ACSF3: variants seen among roughly 807,000 people sequenced by gnomAD.
ACSF3 encodes acyl-CoA synthetase family member 3.
ACSF3 carries 78 observed loss-of-function variants against 53.2 expected under a neutral mutation model. The ratio of observed to expected loss-of-function variants is 1.47; its 90% CI spans 1.22 to 1.77. The LOEUF (loss-of-function observed/expected upper bound fraction) is 1.77. ACSF3 is among the 40% of genes most tolerant of loss of function. The pLI is 0.00. For missense variants in ACSF3, 937 were observed against 771.1 expected (o/e 1.22, Z -2.55); for synonymous variants, 414 against 333.1 (o/e 1.24, Z -2.65).
intron 8 of ACSF3, among the ~76,000 whole-genome samples, chr16:89,137,343 T>C (rs12445309): frequency 7.9e-3 from 837 of 105,780 alleles, no homozygotes; most frequent in African/African-American, 0.016. Context: ...GCCCCGGGTC[T>C]CGGGAGGACC....
chr16:89,142,772 GAGACACCCACACCTGCAGAC>G (rs1912096001), intron 8 of ACSF3, among the ~76,000 whole-genome samples: 1 of 150,804 alleles, frequency 6.6e-6, no homozygotes. Flanking sequence ...CACACCTACA[GAGACACCCACACCTGCAGAC>G]ACACCCACAC....
At chr16:89,136,726 T>G in intron 8 of ACSF3, 7 of 1,287,270 alleles carry the variant, frequency 5.4e-6, no homozygotes, top group Non-Finnish European at 7.1e-6. Flanking sequence ...CTCCCCCACC[T>G]GCCTCTGTGC....
chr16:89,119,875 A>C (rs1682309965), intron 6 of ACSF3, among the ~76,000 whole-genome samples: 1 of 152,180 alleles, frequency 6.6e-6, no homozygotes, highest in African/African-American at 2.4e-5. Flanking sequence ...CTGACCCTCG[A>C]TGCTGACCCT....
At chr16:89,096,576 GT>G (rs577800044) in intron 1 of ACSF3, among the ~76,000 whole-genome samples, 1 of 152,200 alleles carries the variant, frequency 6.6e-6, no homozygotes, top group South Asian at 2.1e-4. Flanking sequence ...GGCTGGTTCC[GT>G]TTTCCACATG....
intron 7 of ACSF3, among the ~76,000 whole-genome samples, chr16:89,123,520 C>T (rs962037878): frequency 3.3e-5 from 5 of 152,166 alleles, no homozygotes; most frequent in East Asian, 1.9e-4. Context: ...CTGGGCTGTC[C>T]GATCCACTCT....
chr16:89,102,723 C>T lies in ACSF3; in HGVS notation c.786C>T (p.Ala262=). ...NALLCPLWVG[A]TCVMMPEFSP... ...TGCTCTGTCCTCTCTGGGTGGGAGC[C>T]ACCTGTGTGATGATGCCTGAGTTCA... is the stretch of plus-strand genomic sequence containing the variant. Residue 262 remains alanine, a synonymous_variant, in exon 4 of 11, where the codon GCC becomes GCT. Transcript: ENST00000614302. 6.2e-7 allele frequency: 1 copy of T among 1,613,166 alleles called. No homozygotes were observed. Among genetic ancestry groups the T allele is most frequent in the Non-Finnish European group, 8.5e-7 (1 of 1,180,006 alleles).
chr16:89,116,425 G>C (rs559575488), intron 6 of ACSF3, among the ~76,000 whole-genome samples: 1 of 152,334 alleles, frequency 6.6e-6, no homozygotes, highest in Admixed American at 6.5e-5. Flanking sequence ...CCTGCAAGGT[G>C]AGTGTGAGGG....
chr16:89,154,198 C>T lies in ACSF3; in HGVS notation c.1722C>T (p.His574=), dbSNP rs757130082. 4.3e-6 allele frequency: 7 copies of T among 1,613,256 alleles called. No individual in the cohort carries two copies. Among genetic ancestry groups the T allele is most frequent in the African/African-American group, 1.3e-5 (1 of 74,904 alleles). The change falls in exon 11 of 11, where the codon CAC becomes CAT. Residue 574 remains histidine (H), a synonymous_variant. Coordinates refer to ENST00000614302, the MANE Select transcript of ACSF3 (RefSeq NM_001243279.3). The stretch of plus-strand genomic sequence containing the variant: ...AGAAGGCGCTCATCAGGCACTTCCA[C>T]CCCTCATGACCCGGCAGACTGGGAC... ...IDKKALIRHF[H]PS
At chr16:89,103,127 C>T (rs1975565767) in intron 4 of ACSF3, among the ~76,000 whole-genome samples, 1 of 152,190 alleles carries the variant, frequency 6.6e-6, no homozygotes, top group Non-Finnish European at 1.5e-5. Flanking sequence ...TTCAAAATAC[C>T]TTCCGGTACT....
At chr16:89,150,613 A>G in intron 10 of ACSF3, 2 of 234,802 alleles carry the variant, frequency 8.5e-6, no homozygotes, top group Non-Finnish European at 1.7e-5. Flanking sequence ...CTGTGACAAG[A>G]CCCTAAGACG....
At chr16:89,145,884 C>T in intron 9 of ACSF3, 54 bp from the exon 10 acceptor site, 1 of 1,482,664 alleles carries the variant, frequency 6.7e-7, no homozygotes, top group East Asian at 2.3e-5. Flanking sequence ...ACTCTTCGGC[C>T]TGTAAGGGTC....
chr16:89,098,551 A>C (rs1157970747), intron 1 of ACSF3, 40 bp from the exon 2 acceptor site: 11 of 429,454 alleles, frequency 2.6e-5, no homozygotes, highest in Non-Finnish European at 5.2e-5. Context: ...GAAGCGTTAT[A>C]CACACAGCCT....
At chr16:89,130,723 C>T (rs1484398279) in intron 7 of ACSF3, among the ~76,000 whole-genome samples, 2 of 152,144 alleles carry the variant, frequency 1.3e-5, no homozygotes, top group Admixed American at 1.3e-4. Context: ...TTGGTTTGTC[C>T]TGTTTGGGAT....
intron 8 of ACSF3, among the ~76,000 whole-genome samples, chr16:89,139,707 T>A (rs558252891): frequency 1.3e-5 from 2 of 151,066 alleles, no homozygotes; most frequent in African/African-American, 4.9e-5. Flanking sequence ...ATTCTCCTGC[T>A]TCAGCCTCCC....
At chr16:89,143,481 G>T (rs1912281818) in intron 8 of ACSF3, among the ~76,000 whole-genome samples, 1 of 152,072 alleles carries the variant, frequency 6.6e-6, no homozygotes. Flanking sequence ...GGTGTCAGCA[G>T]CTGTGGCATC....
intron 10 of ACSF3, chr16:89,149,095 C>G (rs995907668): frequency 6.6e-6 from 1 of 152,204 alleles, no homozygotes; most frequent in Non-Finnish European, 1.5e-5. Context: ...TTAACAAAAG[C>G]AATCTTTGCT....
At chr16:89,106,521 G>A (rs531343683) in intron 4 of ACSF3, among the ~76,000 whole-genome samples, 4 of 152,122 alleles carry the variant, frequency 2.6e-5, no homozygotes, top group South Asian at 4.1e-4. Flanking sequence ...CTAGAACTCC[G>A]GACCTCATGA....
rs146626127 is a variant in ACSF3 at position 89,097,070 on chromosome 16, C to T, written c.-193-1521C>T. Among the ~76,000 whole-genome samples the T allele has an allele frequency of 9.0e-3, 1,371 of 152,368 alleles. 21 individuals are homozygous for T. Among genetic ancestry groups the T allele is most frequent in the South Asian group, 0.06 (290 of 4,830 alleles). On this transcript the variant is annotated intron_variant, in intron 1 of 10. Transcript: ENST00000614302. ...TGTGGGGAATCCACTCTTATTCTTC[C>T]GTGGCTTCGCCCTGCGGGGTGACTC...
intron 8 of ACSF3, among the ~76,000 whole-genome samples, chr16:89,142,470 G>A (rs767907815): frequency 3.3e-5 from 5 of 151,720 alleles, no homozygotes; most frequent in Non-Finnish European, 7.4e-5. Context: ...ACCCACACCT[G>A]CTGAGATATA....
Sources: allele counts gnomAD v4.1 joint callset (sites outside exome capture counted in the v4.1 genomes callset), GRCh38; gene constraint gnomAD v4.1.1; transcripts MANE v1.5; gene names NCBI Gene and HGNC (gene_info 2026-07-23, HGNC 2026-07-21).